Variants in ZC3H12B observed in about 807,000 individuals in gnomAD.
ZC3H12B encodes zinc finger CCCH-type containing 12B.
A neutral mutation model predicts 43.9 loss-of-function variants in ZC3H12B; 7 were observed. That is an observed-to-expected ratio of 0.16 (90% CI 0.09 to 0.30). The LOEUF is 0.30. Ranked by LOEUF, ZC3H12B falls within the 10% of genes least tolerant of loss-of-function variation. The probability of loss-of-function intolerance (pLI) is 1.00; values close to 1 mark genes in which losing one functional copy is unlikely to be tolerated. For missense variants in ZC3H12B, 475 were observed against 670.2 expected (o/e 0.71, Z 3.22); for synonymous variants, 222 against 241.7 (o/e 0.92, Z 0.76).
At chrX:65,143,041 T>G in the ZC3H12B span, among the ~76,000 whole-genome samples, 1 of 111,030 alleles carries the variant, frequency 9.0e-6, no homozygotes, top group African/African-American at 3.3e-5. Flanking sequence ...CTGTGAAGAA[T>G]AATGGTGGTA....
chrX:65,330,146 G>A, the ZC3H12B span, among the ~76,000 whole-genome samples: 7 of 111,419 alleles, frequency 6.3e-5, no homozygotes, highest in African/African-American at 2.3e-4. Flanking sequence ...GGGCAGTATG[G>A]CCATTTTCAT....
intron 3 of ZC3H12B, among the ~76,000 whole-genome samples, chrX:65,450,314 T>C (rs4446869): frequency 1.2e-5 from 1 of 83,868 alleles, no homozygotes; most frequent in African/African-American, 4.7e-5. Flanking sequence ...AAAAAAAAAA[T>C]ATATATATAT....
At chrX:65,279,593 C>T in the ZC3H12B span, among the ~76,000 whole-genome samples, 5 of 111,188 alleles carry the variant, frequency 4.5e-5, no homozygotes, top group African/African-American at 6.5e-5. Flanking sequence ...AAGACTTAAA[C>T]GTAAAACCCA....
At chrX:65,478,764 T>A (rs1056178932) in intron 3 of ZC3H12B, among the ~76,000 whole-genome samples, 2 of 112,386 alleles carry the variant, frequency 1.8e-5, no homozygotes, top group Non-Finnish European at 3.8e-5. Context: ...ACCTTTAATG[T>A]CAACCAAAGG....
the ZC3H12B span, among the ~76,000 whole-genome samples, chrX:65,057,421 TC>T: frequency 5.4e-5 from 6 of 112,001 alleles, no homozygotes; most frequent in Non-Finnish European, 1.1e-4. Flanking sequence ...CCCACTCTCT[TC>T]TGGCTTGTAG....
At chrX:65,217,005 G>T in the ZC3H12B span, among the ~76,000 whole-genome samples, 3 of 111,713 alleles carry the variant, frequency 2.7e-5, no homozygotes, top group Admixed American at 9.5e-5. Context: ...GGTCCAGGAG[G>T]TCATAGGCTT....
At chrX:65,146,000 T>C in the ZC3H12B span, among the ~76,000 whole-genome samples, 1 of 111,672 alleles carries the variant, frequency 9.0e-6, no homozygotes, top group Admixed American at 9.5e-5. Context: ...AGGTGTTCTT[T>C]GTGCTTCTTG....
chrX:65,376,038 C>T (rs370213882), intron 2 of ZC3H12B, among the ~76,000 whole-genome samples: 1 of 112,046 alleles, frequency 8.9e-6, no homozygotes, highest in Non-Finnish European at 1.9e-5. Flanking sequence ...CATTTCTGGA[C>T]GTGCCTTGGG....
chrX:65,477,377 G>GCA (rs10538319), intron 3 of ZC3H12B, among the ~76,000 whole-genome samples: 52 of 105,283 alleles, frequency 4.9e-4, no homozygotes, highest in East Asian at 3.5e-3. Flanking sequence ...ACACACACGT[G>GCA]CACACACACA....
the ZC3H12B span, among the ~76,000 whole-genome samples, chrX:65,215,269 G>T: frequency 9.0e-6 from 1 of 111,559 alleles, no homozygotes; most frequent in Non-Finnish European, 1.9e-5. Context: ...TTTAAAGTCA[G>T]GCATTGACTT....
the ZC3H12B span, among the ~76,000 whole-genome samples, chrX:65,082,049 G>C: frequency 8.9e-6 from 1 of 111,837 alleles, no homozygotes; most frequent in Admixed American, 9.4e-5. Context: ...AATTAAGAAG[G>C]AAATTGAAAA....
the ZC3H12B span, among the ~76,000 whole-genome samples, chrX:65,212,483 A>G: frequency 1.5e-5 from 1 of 68,404 alleles, no homozygotes; most frequent in Non-Finnish European, 2.4e-5. Flanking sequence ...TATAAATAAT[A>G]TATATTATAT....
the ZC3H12B span, among the ~76,000 whole-genome samples, chrX:65,297,032 A>G: frequency 9.0e-6 from 1 of 111,709 alleles, no homozygotes; most frequent in African/African-American, 3.3e-5. Flanking sequence ...ACAAACAAAG[A>G]GCCAACATTA....
chrX:65,198,520 G>A, the ZC3H12B span, among the ~76,000 whole-genome samples: 1 of 111,852 alleles, frequency 8.9e-6, no homozygotes, highest in African/African-American at 3.2e-5. Flanking sequence ...ATACTATTCT[G>A]AGATAAAAGT....
chrX:65,386,664 T>C (rs758404440), intron 2 of ZC3H12B, among the ~76,000 whole-genome samples: 1 of 111,883 alleles, frequency 8.9e-6, no homozygotes, highest in East Asian at 2.8e-4. Context: ...GCTCTGACTG[T>C]AGTTATTTCT....
chrX:65,332,323 G>A, the ZC3H12B span, among the ~76,000 whole-genome samples: 1 of 110,684 alleles, frequency 9.0e-6, no homozygotes, highest in Non-Finnish European at 1.9e-5. Context: ...GTATGTCCAG[G>A]GGCATGCTTA....
the ZC3H12B span, among the ~76,000 whole-genome samples, chrX:65,074,458 G>A: frequency 9.0e-6 from 1 of 111,076 alleles, no homozygotes; most frequent in Non-Finnish European, 1.9e-5. Context: ...AAGCCCTTTG[G>A]TTTCCTATTA....
the ZC3H12B span, among the ~76,000 whole-genome samples, chrX:65,224,352 G>T: frequency 8.9e-6 from 1 of 112,499 alleles, no homozygotes; most frequent in Non-Finnish European, 1.9e-5. Context: ...TACACTGCTT[G>T]GGTGATGGGT....
the ZC3H12B span, among the ~76,000 whole-genome samples, chrX:65,046,659 C>T: frequency 8.9e-6 from 1 of 111,764 alleles, no homozygotes; most frequent in South Asian, 3.7e-4. Context: ...ATTTTAATTT[C>T]CTTTAAGAAC....
Sources: allele counts gnomAD v4.1 joint callset (sites outside exome capture counted in the v4.1 genomes callset), GRCh38; gene constraint gnomAD v4.1.1; transcripts MANE v1.5; gene names NCBI Gene and HGNC (gene_info 2026-07-23, HGNC 2026-07-21).